Variants in PEX5L observed in about 807,000 individuals in gnomAD.
The protein encoded by PEX5L is peroxisomal biogenesis factor 5 like, also known as PEX5-related protein.
In PEX5L, 30 loss-of-function variants were observed where a neutral mutation model predicts 84.0. The observed-to-expected ratio is 0.36, with a 90% confidence interval of 0.27 to 0.48. The LOEUF (loss-of-function observed/expected upper bound fraction) is 0.48, where lower values mean the gene tolerates loss of function less well. Ranked by LOEUF, PEX5L falls within the 20% of genes least tolerant of loss-of-function variation. PEX5L has a pLI of 0.99. For synonymous variants in PEX5L, 270 were observed against 283.1 expected (o/e 0.95, Z 0.46); for missense variants, 533 against 754.6 (o/e 0.71, Z 3.44).
chr3:179,880,759 T>A (rs2108781700), intron 4 of PEX5L: 1 of 152,282 alleles, frequency 6.6e-6, no homozygotes, highest in South Asian at 2.1e-4. Context: ...TTTTACTTCC[T>A]AGCAGGTTGA....
intron 1 of PEX5L, among the ~76,000 whole-genome samples, chr3:180,027,712 C>T (rs1435069276): frequency 6.6e-6 from 1 of 152,096 alleles, no homozygotes; most frequent in Non-Finnish European, 1.5e-5. Context: ...CCAAGGGTGT[C>T]CTTATAGCAA....
intron 1 of PEX5L, among the ~76,000 whole-genome samples, chr3:180,002,878 A>C (rs1788549835): frequency 6.6e-6 from 1 of 152,140 alleles, no homozygotes; most frequent in Non-Finnish European, 1.5e-5. Flanking sequence ...TTGCTAAATC[A>C]GGAAACAATT....
chr3:179,968,388 G>A (rs1271583400), intron 2 of PEX5L, among the ~76,000 whole-genome samples: 1 of 152,094 alleles, frequency 6.6e-6, no homozygotes, highest in Non-Finnish European at 1.5e-5. Flanking sequence ...GGAAATTAAT[G>A]TGTACATGAA....
chr3:179,901,705 T>C (rs1032416533), intron 2 of PEX5L, among the ~76,000 whole-genome samples: 2 of 152,174 alleles, frequency 1.3e-5, no homozygotes, highest in Non-Finnish European at 2.9e-5. Flanking sequence ...TGTGGAAAAT[T>C]ATTTGATATT....
intron 1 of PEX5L, among the ~76,000 whole-genome samples, chr3:180,003,428 T>C (rs1788605451): frequency 6.6e-6 from 1 of 152,152 alleles, no homozygotes; most frequent in South Asian, 2.1e-4. Flanking sequence ...CCATAGATTT[T>C]AATACCAAAT....
At chr3:179,911,800 T>C (rs549043733) in intron 2 of PEX5L, among the ~76,000 whole-genome samples, 31 of 152,270 alleles carry the variant, frequency 2.0e-4, no homozygotes, top group Non-Finnish European at 3.4e-4. Flanking sequence ...TTTTATGTGC[T>C]CTAGGATTGA....
intron 1 of PEX5L, among the ~76,000 whole-genome samples, chr3:179,995,693 A>G (rs971255804): frequency 3.9e-5 from 6 of 152,146 alleles, no homozygotes; most frequent in African/African-American, 1.4e-4. Context: ...AATAAGACTC[A>G]TATCTACTAA....
rs1416199563 is a variant in PEX5L, at chr3:180,034,739, A to G, written c.21+1840T>C. 2.0e-5 allele frequency among the ~76,000 whole-genome samples: 3 copies of G among 152,148 alleles called. No individual in the cohort carries two copies. The East Asian group carries it at 5.8e-4, about 29-fold the overall frequency. The stretch of plus-strand genomic sequence containing the variant: ...GTATTGATTACAGTCTTTATTTAGT[A>G]ATGTTTTAATTTAAGCTTGGCAGCA... On this transcript the variant is annotated intron_variant, in intron 1 of 14. Coordinates refer to ENST00000467460, the MANE Select transcript of PEX5L (RefSeq NM_016559.3).
intron 2 of PEX5L, among the ~76,000 whole-genome samples, chr3:179,951,695 T>G (rs1560880139): frequency 6.6e-6 from 1 of 152,132 alleles, no homozygotes; most frequent in South Asian, 2.1e-4. Flanking sequence ...AATACCAGAT[T>G]TCCTTTTTGT....
chr3:179,992,155 C>T (rs1787439676), intron 1 of PEX5L, among the ~76,000 whole-genome samples: 1 of 152,082 alleles, frequency 6.6e-6, no homozygotes, highest in Non-Finnish European at 1.5e-5. Flanking sequence ...AGCAGATATA[C>T]CCTGATGTGA....
chr3:180,014,905 T>TA (rs1473137961), intron 1 of PEX5L, among the ~76,000 whole-genome samples: 1 of 152,248 alleles, frequency 6.6e-6, no homozygotes, highest in Non-Finnish European at 1.5e-5. Flanking sequence ...GCACTGTACT[T>TA]ACCATAAGAT....
chr3:179,859,291 G>A, intron 7 of PEX5L, 134 bp from the exon 8 acceptor site: 1 of 673,510 alleles, frequency 1.5e-6, no homozygotes, highest in Non-Finnish European at 2.6e-6. Flanking sequence ...CATTTTTGGA[G>A]TACTGTGCTG....
chr3:179,817,675 A>C (rs1373599752), intron 9 of PEX5L, among the ~76,000 whole-genome samples: 1 of 152,342 alleles, frequency 6.6e-6, no homozygotes, highest in South Asian at 2.1e-4. Flanking sequence ...ATTGTCATAA[A>C]ATCTTTTAAA....
chr3:179,908,359 C>T (rs1763969552), intron 2 of PEX5L, among the ~76,000 whole-genome samples: 1 of 152,146 alleles, frequency 6.6e-6, no homozygotes, highest in African/African-American at 2.4e-5. Context: ...AGTAGGAAGG[C>T]CACGTGGCAT....
chr3:180,023,790 A>G lies in PEX5L; in HGVS notation c.21+12789T>C, dbSNP rs866411364. On this transcript the variant is annotated intron_variant, in intron 1 of 14. Coordinates refer to ENST00000467460, the MANE Select transcript of PEX5L (RefSeq NM_016559.3). ...CACACACAGAGAGAGAGAGAGAGAG[A>G]GAGAGAGGGAGAGACTAGCTGCTTG... Among the ~76,000 whole-genome samples the G allele has an allele frequency of 4.1e-4, 60 of 144,612 alleles. 1 individual carries two copies. The highest frequency in any genetic ancestry group is 1.6e-3 in the African/African-American group (56 of 36,078). The allele number at this position is 144,612 out of a possible 152,430, so 94.9% of individuals were successfully genotyped here.
chr3:179,837,512 T>G (rs1735394844), intron 8 of PEX5L, among the ~76,000 whole-genome samples: 1 of 152,216 alleles, frequency 6.6e-6, no homozygotes, highest in Admixed American at 6.5e-5. Context: ...GGATCCATTA[T>G]GTCATCATGC....
intron 2 of PEX5L, among the ~76,000 whole-genome samples, chr3:179,968,534 T>A (rs983771856): frequency 1.3e-5 from 2 of 152,144 alleles, no homozygotes; most frequent in Non-Finnish European, 2.9e-5. Flanking sequence ...TACTAATTAG[T>A]TATATTATTT....
chr3:179,898,165 G>T lies in PEX5L; in HGVS notation c.175C>A (p.Pro59Thr). ...ACCTGTGATGTCATAGTAAGGAGGG[G>T]CTTTTCTTCAGCAGACTCCTCCCTC... The part of the protein sequence containing the change: ...IPREESAEEK[P>T]LLTMTSQLVN... The change falls in exon 3 of 15, where the codon CCC becomes ACC. Residue 59 changes from proline to threonine, a missense_variant. Pro to Thr is a conservative substitution (Grantham distance 38). Transcript: ENST00000467460. 1 of 1,612,656 alleles carries T rather than the reference G, an allele frequency of 6.2e-7. No homozygotes were observed. The highest frequency in any genetic ancestry group is 1.1e-5 in the South Asian group (1 of 91,028).
At chr3:179,982,470 C>T (rs1786424119) in intron 1 of PEX5L, among the ~76,000 whole-genome samples, 1 of 151,992 alleles carries the variant, frequency 6.6e-6, no homozygotes, top group Non-Finnish European at 1.5e-5. Flanking sequence ...AAATCAAATC[C>T]CAAATCTTAG....
Sources: allele counts gnomAD v4.1 joint callset (sites outside exome capture counted in the v4.1 genomes callset), GRCh38; gene constraint gnomAD v4.1.1; transcripts MANE v1.5; gene names NCBI Gene and HGNC (gene_info 2026-07-23, HGNC 2026-07-21).